The following KLHL24 variants were observed in gnomAD, a reference collection of about 807,000 sequenced individuals.
The protein encoded by KLHL24 is kelch-like protein 24.
In KLHL24, 29 loss-of-function variants were observed where a neutral mutation model predicts 53.4. The ratio of observed to expected loss-of-function variants is 0.54; its 90% confidence interval spans 0.40 to 0.74. The LOEUF is 0.74. Among genes scored for constraint, KLHL24 ranks in the 30% least tolerant of loss-of-function variants. KLHL24 has a pLI of 0.00. For missense variants in KLHL24, 504 were observed against 744.0 expected (o/e 0.68, Z 3.75); for synonymous variants, 222 against 253.7 (o/e 0.88, Z 1.19).
At position 183,636,771 on chromosome 3, in the gene KLHL24, G is replaced by T. The variant is rs1385102471; in HGVS notation, c.-125+978G>T. ...ATCTGGAGGACGCGCGGGAGCGCGCGCTGTCGCTGCTTTTGCAGCTGCGGC... is the reference window on the plus strand; with the variant it reads ...ATCTGGAGGACGCGCGGGAGCGCGCTCTGTCGCTGCTTTTGCAGCTGCGGC... On this transcript the variant is annotated intron_variant, in intron 1 of 7. Coordinates refer to ENST00000242810, the MANE Select transcript of KLHL24 (RefSeq NM_017644.3). 2.6e-5 allele frequency: 4 copies of T among 152,200 alleles called. No individual in the cohort carries two copies. In the East Asian group the frequency reaches 7.8e-4, roughly 30 times the overall value. The allele number at this position is 152,200 out of a possible 1,614,324, so 9.4% of individuals were successfully genotyped here.
At chr3:183,676,757 G>A (rs1263225970) in intron 7 of KLHL24, among the ~76,000 whole-genome samples, 1 of 152,068 alleles carries the variant, frequency 6.6e-6, no homozygotes, top group African/African-American at 2.4e-5. Context: ...TTTTTAAAAA[G>A]TCAGTGATGA....
At chr3:183,669,715 A>C (rs1576966019) in intron 5 of KLHL24, among the ~76,000 whole-genome samples, 1 of 152,200 alleles carries the variant, frequency 6.6e-6, no homozygotes, top group African/African-American at 2.4e-5. Context: ...CATTGTTGAA[A>C]TATTAAGAGG....
rs2108842785 is a variant in KLHL24 at position 183,663,129 on chromosome 3, A to G, written c.921-329A>G. The stretch of plus-strand genomic sequence containing the variant: ...GGTTATGCGTATCTGAATCACTGCA[A>G]AACTGCATTTGAAAGTCATCCTTAA... On this transcript the variant is annotated intron_variant, in intron 3 of 7. Transcript: ENST00000242810. This position sits in a 1 kb window ranked among gnomAD's most constrained non-coding sequence, Gnocchi z 4.9. 6.6e-6 allele frequency among the ~76,000 whole-genome samples: 1 copy of G among 152,314 alleles called. No individual in the cohort carries two copies. Among genetic ancestry groups the G allele is most frequent in the South Asian group, 2.1e-4 (1 of 4,828 alleles).
At position 183,651,160 on chromosome 3, in the gene KLHL24, A is replaced by G. The variant is rs1279376289; in HGVS notation, c.804A>G (p.Thr268=). Residue 268 remains threonine, a synonymous_variant, in exon 3 of 8, where the codon ACA becomes ACG. Coordinates refer to ENST00000242810, the MANE Select transcript of KLHL24 (RefSeq NM_017644.3). ...TGCATCCCAACTACTTTGTTCAAAC[A>G]GTTGAAGTGGACCAATTGATCCAGA... ...PLLHPNYFVQ[T]VEVDQLIQNS... 6.2e-7 allele frequency: 1 copy of G among 1,614,056 alleles called. No homozygotes were observed. The highest frequency in any genetic ancestry group is 8.5e-7 in the Non-Finnish European group (1 of 1,180,022).
intron 3 of KLHL24, among the ~76,000 whole-genome samples, chr3:183,655,123 A>T (rs1718665167): frequency 6.6e-6 from 1 of 152,184 alleles, no homozygotes; most frequent in Admixed American, 6.5e-5. Context: ...CATAATAGAA[A>T]TTCTCCCTAT....
chr3:183,639,055 G>C (rs965326432), intron 1 of KLHL24, among the ~76,000 whole-genome samples: 1 of 151,598 alleles, frequency 6.6e-6, no homozygotes, highest in African/African-American at 2.4e-5. Flanking sequence ...ACAAAAATTA[G>C]CCGGGTGTGG....
rs1272217468 is a variant in KLHL24 at position 183,672,301 on chromosome 3, A to G, written c.1419A>G (p.Gln473=). ...PDDNTCSDKV[Q]SYDPETNSWL... Reference sequence around the variant, plus strand: ...ATATTTTTATATGTTATTAGGTTCAATCTTATGATCCAGAAACCAATTCTT... The same window carrying G: ...ATATTTTTATATGTTATTAGGTTCAGTCTTATGATCCAGAAACCAATTCTT... Residue 473 remains glutamine, a synonymous_variant, in exon 7 of 8, where the codon CAA becomes CAG. Coordinates refer to ENST00000242810, the MANE Select transcript of KLHL24 (RefSeq NM_017644.3). 1 of 1,571,466 alleles carries G rather than the reference A, an allele frequency of 6.4e-7. No individual in the cohort carries two copies. Among genetic ancestry groups the G allele is most frequent in the East Asian group, 2.3e-5 (1 of 44,158 alleles).
chr3:183,638,833 C>G (rs1715811743), intron 1 of KLHL24, among the ~76,000 whole-genome samples: 1 of 152,204 alleles, frequency 6.6e-6, no homozygotes, highest in African/African-American at 2.4e-5. Flanking sequence ...TGGCACTCTG[C>G]CTATATTCAT....
intron 1 of KLHL24, among the ~76,000 whole-genome samples, chr3:183,640,579 TTTTTTTC>T (rs1342708034): frequency 7.0e-4 from 91 of 130,128 alleles, no homozygotes; most frequent in South Asian, 3.2e-3. Context: ...TACCTTTTCT[TTTTTTTC>T]TTTTTTCTTT....
chr3:183,640,589 T>C (rs1286695913), intron 1 of KLHL24, among the ~76,000 whole-genome samples: 1 of 112,828 alleles, frequency 8.9e-6, no homozygotes. Context: ...TTTTTTTCTT[T>C]TTTCTTTTTT....
Position 183,679,307 on chromosome 3 carries a change from G to C in KLHL24, c.*21G>C. ...TCTGAAGACAGGATACCTCACCGAA[G>C]AAGCCACACTGATCCAAGATGGGAG... On this transcript the variant is annotated 3_prime_UTR_variant, in exon 8 of 8. Transcript: ENST00000242810. 6.3e-7 allele frequency: 1 copy of C among 1,587,482 alleles called. No individual in the cohort carries two copies. The highest frequency in any genetic ancestry group is 8.6e-7 in the Non-Finnish European group (1 of 1,156,572).
At chr3:183,659,241 G>C (rs1719352125) in intron 3 of KLHL24, among the ~76,000 whole-genome samples, 1 of 152,074 alleles carries the variant, frequency 6.6e-6, no homozygotes, top group Admixed American at 6.5e-5. Flanking sequence ...TTTATTAACA[G>C]GATACAAGAG....
intron 5 of KLHL24, among the ~76,000 whole-genome samples, chr3:183,666,423 T>A (rs1234774288): frequency 1.3e-5 from 2 of 151,956 alleles, no homozygotes; most frequent in East Asian, 3.9e-4. Context: ...CCACAATGCC[T>A]AGCTAATTTT....
intron 1 of KLHL24, among the ~76,000 whole-genome samples, chr3:183,639,493 A>G (rs968323614): frequency 2.9e-4 from 44 of 150,770 alleles, no homozygotes; most frequent in Non-Finnish European, 5.3e-4. Flanking sequence ...AGCCGGGCGT[A>G]GCGGCGGGCG....
intron 7 of KLHL24, among the ~76,000 whole-genome samples, chr3:183,674,095 A>C (rs1182501330): frequency 6.6e-6 from 1 of 152,092 alleles, no homozygotes; most frequent in East Asian, 1.9e-4. Context: ...AATTGAATTA[A>C]TCTAGCCTAT....
chr3:183,672,456 T>A lies in KLHL24; in HGVS notation c.1574T>A (p.Met525Lys). The A allele has an allele frequency of 6.2e-7, 1 of 1,611,750 alleles. No individual in the cohort carries two copies. The highest frequency in any genetic ancestry group is 8.5e-7 in the Non-Finnish European group (1 of 1,178,756). ...YCYDPVEDYW[M>K]HVQNTFSRQE... ...TACGATCCAGTTGAAGATTACTGGA[T>A]GCACGTACAGAATACATTCAGCCGT... The change falls in exon 7 of 8, where the codon ATG becomes AAG. Residue 525 changes from methionine to lysine, a missense_variant. Physicochemically the swap from Met to Lys is moderately conservative, Grantham distance 95. Transcript: ENST00000242810.
chr3:183,678,977 A>G (rs879164048), intron 7 of KLHL24, 109 bp from the exon 8 acceptor site: 13 of 824,432 alleles, frequency 1.6e-5, no homozygotes, highest in East Asian at 5.1e-5. Flanking sequence ...AGCTTTTATC[A>G]TGTCTCCCTT....
At chr3:183,678,597 T>C (rs1231401394) in intron 7 of KLHL24, among the ~76,000 whole-genome samples, 1 of 152,142 alleles carries the variant, frequency 6.6e-6, no homozygotes, top group Non-Finnish European at 1.5e-5. Context: ...TGGGGGTTTG[T>C]TGTACAGATT....
At chr3:183,647,124 TAAAAA>T (rs376372259) in intron 2 of KLHL24, among the ~76,000 whole-genome samples, 1 of 138,590 alleles carries the variant, frequency 7.2e-6, no homozygotes, top group African/African-American at 2.6e-5. Context: ...TTGCAACTCT[TAAAAA>T]AAAAAAAAAA....
Sources: allele counts gnomAD v4.1 joint callset (sites outside exome capture counted in the v4.1 genomes callset), GRCh38; gene constraint gnomAD v4.1.1; non-coding constraint Gnocchi (gnomAD v3.1); transcripts MANE v1.5; gene names NCBI Gene and HGNC (gene_info 2026-07-23, HGNC 2026-07-21).